The following NBAS variants were observed in gnomAD, a reference collection of about 807,000 sequenced individuals.
NBAS encodes the protein NBAS subunit of NRZ tethering complex.
In NBAS, 219 loss-of-function variants were observed where a neutral mutation model predicts 302.5. That is an observed-to-expected ratio of 0.72 (90% CI 0.65 to 0.81). The LOEUF is 0.81. NBAS is among the 30% of genes least tolerant of loss of function. The probability of loss-of-function intolerance (pLI) is 0.00; values close to 1 mark genes in which losing one functional copy is unlikely to be tolerated. For synonymous variants in NBAS, 1,118 were observed against 1,021.6 expected (o/e 1.09, Z -1.80); for missense variants, 2,932 against 2,841.6 (o/e 1.03, Z -0.72).
chr2:15,361,904 C>G (rs1020652839), intron 32 of NBAS, among the ~76,000 whole-genome samples: 2 of 151,408 alleles, frequency 1.3e-5, no homozygotes, highest in Non-Finnish European at 2.9e-5. Context: ...CACTTGAACC[C>G]AGGAGGCGGA....
chr2:15,007,774 C>T, the NBAS span, among the ~76,000 whole-genome samples: 4 of 152,120 alleles, frequency 2.6e-5, no homozygotes, highest in African/African-American at 7.2e-5. Flanking sequence ...CATTAAGTAA[C>T]AAAATGTTTT....
At chr2:14,886,133 C>T in the NBAS span, among the ~76,000 whole-genome samples, 6 of 152,236 alleles carry the variant, frequency 3.9e-5, no homozygotes, top group Non-Finnish European at 8.8e-5. Flanking sequence ...TCTCATTGCC[C>T]TCAAGATAAG....
At chr2:15,336,748 A>G (rs1047695220) in intron 35 of NBAS, among the ~76,000 whole-genome samples, 11 of 152,076 alleles carry the variant, frequency 7.2e-5, no homozygotes, top group Non-Finnish European at 1.5e-4. Flanking sequence ...AAAAAGTCTC[A>G]TATGTTGTAT....
chr2:14,784,394 T>C, the NBAS span, among the ~76,000 whole-genome samples: 1 of 152,218 alleles, frequency 6.6e-6, no homozygotes, highest in Non-Finnish European at 1.5e-5. Context: ...TCCTTGCCCA[T>C]GCCTATGTCC....
At chr2:15,293,121 A>T (rs1670387333) in intron 40 of NBAS, among the ~76,000 whole-genome samples, 1 of 152,250 alleles carries the variant, frequency 6.6e-6, no homozygotes, top group Non-Finnish European at 1.5e-5. Flanking sequence ...CACTCACAGT[A>T]ACTCACTCTA....
chr2:15,233,466 A>C (rs1394050518), intron 46 of NBAS, among the ~76,000 whole-genome samples: 1 of 152,198 alleles, frequency 6.6e-6, no homozygotes, highest in African/African-American at 2.4e-5. Context: ...TCAAAACACT[A>C]ATTTTTCAAA....
At chr2:14,910,148 A>G in the NBAS span, among the ~76,000 whole-genome samples, 1 of 152,292 alleles carries the variant, frequency 6.6e-6, no homozygotes, top group South Asian at 2.1e-4. Context: ...GAAAAATTAC[A>G]TGTGCTTAGC....
intron 12 of NBAS, among the ~76,000 whole-genome samples, chr2:15,479,069 C>T (rs910585312): frequency 6.6e-6 from 1 of 152,114 alleles, no homozygotes; most frequent in African/African-American, 2.4e-5. Context: ...CAACAAAATA[C>T]ACACATGTTT....
At chr2:14,917,445 G>A in the NBAS span, among the ~76,000 whole-genome samples, 3 of 152,244 alleles carry the variant, frequency 2.0e-5, no homozygotes, top group Non-Finnish European at 2.9e-5. Flanking sequence ...CAAGATGGAA[G>A]TCACATACTT....
the NBAS span, among the ~76,000 whole-genome samples, chr2:15,128,315 T>C: frequency 1.3e-5 from 2 of 152,226 alleles, no homozygotes; most frequent in Non-Finnish European, 1.5e-5. Flanking sequence ...CCAGACCTAC[T>C]GGGGCTGTTA....
intron 21 of NBAS, among the ~76,000 whole-genome samples, chr2:15,441,919 C>T (rs1392542152): frequency 6.6e-6 from 1 of 150,710 alleles, no homozygotes; most frequent in Non-Finnish European, 1.5e-5. Context: ...AAGGCCATTA[C>T]ATAATAGTAA....
chr2:15,408,754 G>A (rs950365574), intron 25 of NBAS, among the ~76,000 whole-genome samples: 1 of 152,188 alleles, frequency 6.6e-6, no homozygotes, highest in African/African-American at 2.4e-5. Flanking sequence ...CATATAATGT[G>A]AGCAAGCTAA....
At chr2:15,453,202 A>G (rs187981842) in intron 21 of NBAS, among the ~76,000 whole-genome samples, 54 of 152,324 alleles carry the variant, frequency 3.5e-4, no homozygotes, top group South Asian at 1.2e-3. Context: ...AGAGAGCACA[A>G]AAGGAACAAG....
chr2:14,794,706 T>C, the NBAS span, among the ~76,000 whole-genome samples: 1 of 152,190 alleles, frequency 6.6e-6, no homozygotes, highest in African/African-American at 2.4e-5. Flanking sequence ...TGGTGAACAA[T>C]CCATAATCTC....
intron 25 of NBAS, 41 bp from the exon 26 acceptor site, chr2:15,402,342 T>C (rs1414316842): frequency 6.2e-7 from 1 of 1,602,572 alleles, no homozygotes; most frequent in Admixed American, 1.7e-5. Flanking sequence ...GTCAACAGAT[T>C]TATAGTCAAT....
intron 21 of NBAS, among the ~76,000 whole-genome samples, chr2:15,449,033 G>C (rs1196338859): frequency 6.6e-6 from 1 of 151,936 alleles, no homozygotes; most frequent in Non-Finnish European, 1.5e-5. Flanking sequence ...GAATATGAAA[G>C]AGAACTCCAT....
chr2:15,459,503 CT>C (rs66914120), intron 21 of NBAS, among the ~76,000 whole-genome samples: 3 of 141,378 alleles, frequency 2.1e-5, no homozygotes, highest in South Asian at 2.2e-4. Context: ...AGCATTTTTT[CT>C]TTTTTTTTGA....
the NBAS span, among the ~76,000 whole-genome samples, chr2:14,825,709 C>A: frequency 6.6e-6 from 1 of 152,094 alleles, no homozygotes; most frequent in Non-Finnish European, 1.5e-5. Context: ...CTAAGCAATT[C>A]AAACTCTCCA....
At chr2:14,903,951 T>C in the NBAS span, among the ~76,000 whole-genome samples, 1 of 152,204 alleles carries the variant, frequency 6.6e-6, no homozygotes, top group Non-Finnish European at 1.5e-5. Flanking sequence ...AAGTGCCGGT[T>C]ACCACCTGCA....
Sources: allele counts gnomAD v4.1 joint callset (sites outside exome capture counted in the v4.1 genomes callset), GRCh38; gene constraint gnomAD v4.1.1; transcripts MANE v1.5; gene names NCBI Gene and HGNC (gene_info 2026-07-23, HGNC 2026-07-21).